The following LINGO2 variants were observed in gnomAD, a reference collection of about 807,000 sequenced individuals.
LINGO2 encodes the protein leucine rich repeat and Ig domain containing 2.
A neutral mutation model predicts 30.6 loss-of-function variants in LINGO2; 14 were observed. That is an observed-to-expected ratio of 0.46 (90% CI 0.30 to 0.72). LINGO2 has a LOEUF of 0.72. LINGO2 is among the 30% of genes least tolerant of loss of function. LINGO2 has a pLI of 0.07. For synonymous variants in LINGO2, 317 were observed against 288.5 expected (o/e 1.10, Z -1.00); for missense variants, 729 against 751.7 (o/e 0.97, Z 0.35).
chr9:28,979,092 T>C, the LINGO2 span, among the ~76,000 whole-genome samples: 1 of 152,122 alleles, frequency 6.6e-6, no homozygotes, highest in East Asian at 1.9e-4. Context: ...TTTTAATCTT[T>C]TTTTATCTCT....
chr9:28,282,103 T>C (rs1302115292), intron 4 of LINGO2, among the ~76,000 whole-genome samples: 1 of 152,140 alleles, frequency 6.6e-6, no homozygotes, highest in Non-Finnish European at 1.5e-5. Flanking sequence ...GGAATTTGAT[T>C]AGACTTGGGA....
chr9:28,464,651 A>G (rs1452819616), intron 2 of LINGO2, among the ~76,000 whole-genome samples: 2 of 152,170 alleles, frequency 1.3e-5, no homozygotes, highest in Non-Finnish European at 2.9e-5. Flanking sequence ...CTCTCAATTT[A>G]TTTTACTGTA....
At chr9:29,153,954 T>C in the LINGO2 span, among the ~76,000 whole-genome samples, 1 of 152,260 alleles carries the variant, frequency 6.6e-6, no homozygotes, top group South Asian at 2.1e-4. Flanking sequence ...CAGATAGAAG[T>C]TCTCTCCACT....
At chr9:28,800,367 G>A in the LINGO2 span, among the ~76,000 whole-genome samples, 1 of 151,992 alleles carries the variant, frequency 6.6e-6, no homozygotes, top group Admixed American at 6.6e-5. Context: ...TATTCCCGGT[G>A]TATTTTTTCT....
intron 5 of LINGO2, among the ~76,000 whole-genome samples, chr9:27,985,113 TTA>T (rs1383829611): frequency 1.3e-5 from 2 of 151,894 alleles, no homozygotes; most frequent in Non-Finnish European, 2.9e-5. Flanking sequence ...AACAGAATTG[TTA>T]TGACATTCTT....
At chr9:28,302,066 T>G (rs376264317) in intron 3 of LINGO2, among the ~76,000 whole-genome samples, 55 of 152,116 alleles carry the variant, frequency 3.6e-4, no homozygotes, top group African/African-American at 1.3e-3. Flanking sequence ...TTATAAGATA[T>G]CTTGAAAGGA....
the LINGO2 span, among the ~76,000 whole-genome samples, chr9:28,797,439 ATGATGACAC>A: frequency 6.7e-6 from 1 of 149,498 alleles, no homozygotes; most frequent in Non-Finnish European, 1.5e-5. Flanking sequence ...CAAGACAGAA[ATGATGACAC>A]TGATGACACT....
the LINGO2 span, among the ~76,000 whole-genome samples, chr9:29,093,788 G>A: frequency 1.5e-5 from 2 of 137,362 alleles, no homozygotes; most frequent in African/African-American, 5.5e-5. Context: ...ACATTAATAT[G>A]TGCATAAATG....
chr9:28,186,425 C>G (rs573887158), intron 4 of LINGO2, among the ~76,000 whole-genome samples: 19 of 152,252 alleles, frequency 1.2e-4, no homozygotes, highest in Admixed American at 9.2e-4. Context: ...AAGTACTGCT[C>G]TAGGGCCAGA....
chr9:28,797,359 T>TATATATATATATAGAGAGAGAGAG, the LINGO2 span, among the ~76,000 whole-genome samples: 4 of 34,210 alleles, frequency 1.2e-4, no homozygotes, highest in African/African-American at 3.8e-4. Flanking sequence ...TATATATATA[T>TATATATATATATAGAGAGAGAGAG]AGAGAGAGAG....
chr9:27,981,312 C>T (rs998104962), intron 5 of LINGO2, among the ~76,000 whole-genome samples: 3 of 151,434 alleles, frequency 2.0e-5, no homozygotes, highest in Middle Eastern at 3.2e-3. Flanking sequence ...TCTCCATTTA[C>T]AGATAAGAAA....
At chr9:28,848,397 G>GTATATATA in the LINGO2 span, among the ~76,000 whole-genome samples, 37 of 48,432 alleles carry the variant, frequency 7.6e-4, no homozygotes, top group Non-Finnish European at 1.1e-3. Context: ...GTGTGTGTGT[G>GTATATATA]TATATATATA....
At chr9:28,419,004 G>T (rs1823081261) in intron 2 of LINGO2, among the ~76,000 whole-genome samples, 1 of 151,914 alleles carries the variant, frequency 6.6e-6, no homozygotes, top group African/African-American at 2.4e-5. Context: ...TTCTAATTTT[G>T]ATCAGTCCAG....
intron 1 of LINGO2, among the ~76,000 whole-genome samples, chr9:28,636,063 G>T (rs1388053151): frequency 6.6e-6 from 1 of 152,046 alleles, no homozygotes; most frequent in Admixed American, 6.6e-5. Flanking sequence ...CTATGAGTGA[G>T]AACATGCAGT....
the LINGO2 span, among the ~76,000 whole-genome samples, chr9:28,861,220 T>TTG: frequency 6.5e-4 from 74 of 114,440 alleles, no homozygotes; most frequent in African/African-American, 2.4e-3. Flanking sequence ...TTATATAATA[T>TTG]TATATAAATA....
At chr9:28,256,274 A>G (rs1822379452) in intron 4 of LINGO2, among the ~76,000 whole-genome samples, 1 of 151,988 alleles carries the variant, frequency 6.6e-6, no homozygotes, top group South Asian at 2.1e-4. Context: ...ATGCCAAAAC[A>G]TAGTAGCTGG....
At chr9:28,796,817 A>G in the LINGO2 span, among the ~76,000 whole-genome samples, 1 of 151,900 alleles carries the variant, frequency 6.6e-6, no homozygotes, top group African/African-American at 2.4e-5. Context: ...GGATGCATCC[A>G]ATATAATGTT....
chr9:28,730,914 A>C, the LINGO2 span, among the ~76,000 whole-genome samples: 148 of 152,314 alleles, frequency 9.7e-4, no homozygotes, highest in African/African-American at 3.2e-3. Context: ...ATGGTACAAC[A>C]GCTCTGGAAA....
At chr9:28,194,597 T>C (rs527829984) in intron 4 of LINGO2, among the ~76,000 whole-genome samples, 17 of 130,634 alleles carry the variant, frequency 1.3e-4, no homozygotes, top group Non-Finnish European at 2.0e-4. Flanking sequence ...AATTCACTAA[T>C]AACAAGGAAA....
Sources: allele counts gnomAD v4.1 joint callset (sites outside exome capture counted in the v4.1 genomes callset), GRCh38; gene constraint gnomAD v4.1.1; transcripts MANE v1.5; gene names NCBI Gene and HGNC (gene_info 2026-07-23, HGNC 2026-07-21).